The following ACTR3B variants were observed in gnomAD, a reference collection of about 807,000 sequenced individuals.
ACTR3B encodes actin-related protein 3B.
Under a neutral mutation model 59.0 loss-of-function variants are expected in ACTR3B, and 8 were observed. The observed-to-expected ratio is 0.14, with a 90% CI of 0.08 to 0.24. The LOEUF (loss-of-function observed/expected upper bound fraction) is 0.24. ACTR3B is among the 10% of genes least tolerant of loss of function. The pLI is 1.00. For missense variants in ACTR3B, 245 were observed against 552.3 expected (o/e 0.44, Z 5.58); for synonymous variants, 148 against 197.9 (o/e 0.75, Z 2.12).
chr7:152,787,386 T>A (rs1378099131), intron 2 of ACTR3B, among the ~76,000 whole-genome samples: 1 of 152,188 alleles, frequency 6.6e-6, no homozygotes, highest in African/African-American at 2.4e-5. Context: ...TTTTCGCAGA[T>A]ACTTTTTTAT....
chr7:152,835,264 C>T (rs966762116), intron 9 of ACTR3B, among the ~76,000 whole-genome samples: 23 of 152,102 alleles, frequency 1.5e-4, no homozygotes, highest in African/African-American at 5.1e-4. Flanking sequence ...CAGGCGTAAG[C>T]GTCTCATGGA....
intron 9 of ACTR3B, among the ~76,000 whole-genome samples, chr7:152,840,481 T>A (rs565786756): frequency 4.6e-5 from 7 of 152,056 alleles, no homozygotes; most frequent in Non-Finnish European, 1.5e-5. Flanking sequence ...TTGCTGCTTC[T>A]TTCAGGCCCC....
At chr7:152,820,475 G>T in intron 7 of ACTR3B, 33 bp downstream of exon 7, 1 of 1,564,710 alleles carries the variant, frequency 6.4e-7, no homozygotes, top group South Asian at 1.2e-5. Flanking sequence ...CCGGTTTGGG[G>T]GTGAGAGAGA....
At chr7:152,834,030 C>T (rs1797239588) in intron 9 of ACTR3B, among the ~76,000 whole-genome samples, 1 of 151,770 alleles carries the variant, frequency 6.6e-6, no homozygotes, top group Non-Finnish European at 1.5e-5. Context: ...TTAGACTCTA[C>T]AGATGAGCAG....
intron 2 of ACTR3B, among the ~76,000 whole-genome samples, chr7:152,796,860 GTTTTT>G (rs779909545): frequency 4.4e-4 from 24 of 54,750 alleles, no homozygotes; most frequent in East Asian, 3.0e-3. Flanking sequence ...TAGTTTTTGT[GTTTTT>G]TTTTTTTTTT....
rs560786986 is a variant in ACTR3B, at chr7:152,853,599, TCTGTGTCTCCATTC to T, written c.1161+28_1161+41del. ...GACTGTAAGTCCCTCTCTCGAGGGC[TCTGTGTCTCCATTC>T]CTGTGCTCTCGGTTGAGTTTGGGTA... On this transcript the variant is annotated intron_variant, in intron 11 of 11. Transcript: ENST00000256001. 73 of 1,599,784 alleles carry T rather than the reference TCTGTGTCTCCATTC, an allele frequency of 4.6e-5. No individual in the cohort carries two copies. In the East Asian group the frequency reaches 1.6e-3, roughly 34 times the overall value.
chr7:152,835,243 G>A (rs1797354540), intron 9 of ACTR3B, among the ~76,000 whole-genome samples: 1 of 152,214 alleles, frequency 6.6e-6, no homozygotes, highest in South Asian at 2.1e-4. Context: ...GTCCTCAGGT[G>A]CAGGATGGGC....
chr7:152,809,458 C>T (rs1049181847), intron 4 of ACTR3B, among the ~76,000 whole-genome samples: 1 of 152,128 alleles, frequency 6.6e-6, no homozygotes, highest in African/African-American at 2.4e-5. Flanking sequence ...CTTACCCGTT[C>T]TTAGCCAGCT....
intron 2 of ACTR3B, among the ~76,000 whole-genome samples, chr7:152,792,940 T>TAA (rs199852289): frequency 0.018 from 2,676 of 152,122 alleles, 60 homozygotes; most frequent in African/African-American, 0.06. Flanking sequence ...GGACAGTTCT[T>TAA]TCAGCACAAA....
chr7:152,821,511 C>A (rs944208973), intron 7 of ACTR3B, among the ~76,000 whole-genome samples: 2 of 152,256 alleles, frequency 1.3e-5, no homozygotes, highest in Admixed American at 6.5e-5. Context: ...TTATTGACGC[C>A]CAGGGTCCAC....
chr7:152,814,631 T>G lies in ACTR3B; in HGVS notation c.418T>G (p.Tyr140Asp). 1 of 1,613,410 alleles carries G rather than the reference T, an allele frequency of 6.2e-7. No individual in the cohort carries two copies. Among genetic ancestry groups the G allele is most frequent in the Non-Finnish European group, 8.5e-7 (1 of 1,179,346 alleles). ...MFESFNVPGL[Y>D]IAVQAVLALA... Reference sequence around the variant, plus strand: ...TGAATCATTTAACGTACCAGGACTCTACATTGCAGTTCAGGTAAAACCAGT... The same window carrying G: ...TGAATCATTTAACGTACCAGGACTCGACATTGCAGTTCAGGTAAAACCAGT... Residue 140 changes from tyrosine (Y) to aspartate (D), a missense_variant, in exon 5 of 12, where the codon TAC becomes GAC. Physicochemically the swap from Tyr to Asp is radical, Grantham distance 160. Transcript: ENST00000256001.
At chr7:152,794,531 TA>T (rs2098209170) in intron 2 of ACTR3B, among the ~76,000 whole-genome samples, 1 of 152,210 alleles carries the variant, frequency 6.6e-6, no homozygotes, top group Non-Finnish European at 1.5e-5. Context: ...TACAATCTTT[TA>T]TATTGACTTG....
chr7:152,830,707 TGCA>T (rs1283072356), intron 9 of ACTR3B, among the ~76,000 whole-genome samples: 2 of 151,992 alleles, frequency 1.3e-5, no homozygotes, highest in African/African-American at 4.8e-5. Flanking sequence ...GGCGACCACT[TGCA>T]GCTAATTAAA....
intron 2 of ACTR3B, among the ~76,000 whole-genome samples, chr7:152,795,430 G>A (rs2098212859): frequency 6.6e-6 from 1 of 152,154 alleles, no homozygotes; most frequent in Non-Finnish European, 1.5e-5. Flanking sequence ...AGAAATAATT[G>A]TATATGTTTA....
intron 9 of ACTR3B, among the ~76,000 whole-genome samples, chr7:152,829,154 C>T (rs998412297): frequency 6.6e-6 from 1 of 151,782 alleles, no homozygotes; most frequent in Non-Finnish European, 1.5e-5. Flanking sequence ...GGAATGCTTA[C>T]CACAATCAAG....
chr7:152,852,287 T>A (rs780192495), intron 10 of ACTR3B, 36 bp downstream of exon 10: 4 of 1,574,578 alleles, frequency 2.5e-6, no homozygotes, highest in Non-Finnish European at 3.4e-6. Flanking sequence ...TGCCTGGGGC[T>A]ATTGCCCCAG....
intron 1 of ACTR3B, among the ~76,000 whole-genome samples, chr7:152,763,012 C>T (rs1219977663): frequency 6.6e-6 from 1 of 152,068 alleles, no homozygotes; most frequent in Non-Finnish European, 1.5e-5. Flanking sequence ...TACTATTTTT[C>T]TTTGTAATTA....
chr7:152,850,731 T>C (rs1187207153), intron 9 of ACTR3B, among the ~76,000 whole-genome samples: 1 of 152,174 alleles, frequency 6.6e-6, no homozygotes, highest in African/African-American at 2.4e-5. Flanking sequence ...TCATATAACT[T>C]AGAACCTGGG....
chr7:152,807,904 C>G (rs1171885350), intron 4 of ACTR3B, among the ~76,000 whole-genome samples: 2 of 152,130 alleles, frequency 1.3e-5, no homozygotes, highest in African/African-American at 4.8e-5. Context: ...CAGAATTTAT[C>G]ATTTGAACCA....
Sources: allele counts gnomAD v4.1 joint callset (sites outside exome capture counted in the v4.1 genomes callset), GRCh38; gene constraint gnomAD v4.1.1; transcripts MANE v1.5; gene names NCBI Gene and HGNC (gene_info 2026-07-23, HGNC 2026-07-21).